Variants in ROBO2 observed in about 807,000 individuals in gnomAD.
ROBO2 encodes the protein roundabout guidance receptor 2, also known as roundabout homolog 2.
Under a neutral mutation model 160.8 loss-of-function variants are expected in ROBO2, and 53 were observed. The ratio of observed to expected loss-of-function variants is 0.33; its 90% CI spans 0.26 to 0.41. ROBO2 has a LOEUF of 0.41. ROBO2 is among the 10% of genes least tolerant of loss of function. The pLI is 1.00. For missense variants in ROBO2, 1,577 were observed against 1,722.4 expected (o/e 0.92, Z 1.49); for synonymous variants, 664 against 611.7 (o/e 1.09, Z -1.26).
chr3:76,273,838 A>C (rs989483336), intron 2 of ROBO2, among the ~76,000 whole-genome samples: 1 of 152,204 alleles, frequency 6.6e-6, no homozygotes, highest in African/African-American at 2.4e-5. Flanking sequence ...GGACACCACA[A>C]AACCATATCA....
At chr3:76,851,759 AAAAAAAT>A (rs1230548403) in intron 2 of ROBO2, among the ~76,000 whole-genome samples, 5 of 145,690 alleles carry the variant, frequency 3.4e-5, no homozygotes, top group Non-Finnish European at 6.0e-5. Context: ...AAAAAAAAAA[AAAAAAAT>A]ATTAACATGT....
At chr3:76,316,445 A>G (rs900926350) in intron 2 of ROBO2, among the ~76,000 whole-genome samples, 1 of 152,140 alleles carries the variant, frequency 6.6e-6, no homozygotes, top group African/African-American at 2.4e-5. Flanking sequence ...AAGAAGAAAA[A>G]TATGGCTGTA....
intron 2 of ROBO2, among the ~76,000 whole-genome samples, chr3:77,008,163 T>C (rs1401905809): frequency 6.6e-6 from 1 of 152,058 alleles, no homozygotes; most frequent in Non-Finnish European, 1.5e-5. Context: ...CTACGAATTG[T>C]TCCCCAGAAA....
chr3:76,212,507 T>C (rs551288575), intron 2 of ROBO2, among the ~76,000 whole-genome samples: 2 of 152,062 alleles, frequency 1.3e-5, no homozygotes, highest in Non-Finnish European at 2.9e-5. Context: ...AACTTAATGT[T>C]CTTAGCAATT....
intron 2 of ROBO2, among the ~76,000 whole-genome samples, chr3:76,541,215 A>G (rs2082797854): frequency 1.3e-5 from 2 of 152,212 alleles, no homozygotes; most frequent in African/African-American, 2.4e-5. Context: ...TAATTATGGA[A>G]TAACTACTTC....
At chr3:76,655,065 T>C (rs904093091) in intron 2 of ROBO2, among the ~76,000 whole-genome samples, 13 of 151,146 alleles carry the variant, frequency 8.6e-5, no homozygotes, top group African/African-American at 3.1e-4. Flanking sequence ...TTGGTTAAAG[T>C]TGAAAAAGCG....
chr3:76,723,424 T>C (rs267126), intron 2 of ROBO2, among the ~76,000 whole-genome samples: 85,742 of 152,052 alleles, frequency 0.56, 25,160 homozygotes, highest in Non-Finnish European at 0.66. Context: ...ACTATTTGTT[T>C]GCTTTATTTA....
At chr3:75,909,384 C>G (rs1347838360) in intron 1 of ROBO2, among the ~76,000 whole-genome samples, 1 of 152,132 alleles carries the variant, frequency 6.6e-6, no homozygotes, top group Admixed American at 6.5e-5. Context: ...ATATTGAATG[C>G]TAGCTATGAA....
chr3:77,365,562 C>A (rs370660723), intron 2 of ROBO2, among the ~76,000 whole-genome samples: 9 of 152,128 alleles, frequency 5.9e-5, no homozygotes, highest in African/African-American at 1.9e-4. Flanking sequence ...CAACTAGACT[C>A]AAAAGAATTG....
intron 1 of ROBO2, among the ~76,000 whole-genome samples, chr3:77,096,788 T>C (rs1330567936): frequency 6.6e-6 from 1 of 152,120 alleles, no homozygotes; most frequent in African/African-American, 2.4e-5. Flanking sequence ...GCCCCACTTT[T>C]ATTGCATTCA....
intron 2 of ROBO2, among the ~76,000 whole-genome samples, chr3:77,295,164 T>C (rs1407592024): frequency 6.9e-6 from 1 of 145,584 alleles, no homozygotes; most frequent in African/African-American, 2.6e-5. Flanking sequence ...GTTAAACGGG[T>C]AAGCTGAGGC....
intron 2 of ROBO2, among the ~76,000 whole-genome samples, chr3:77,015,749 A>G (rs1331437471): frequency 2.6e-5 from 4 of 152,184 alleles, no homozygotes; most frequent in Admixed American, 1.3e-4. Context: ...GTTCTCCAGC[A>G]TCACAGTTAC....
At chr3:76,422,435 G>T (rs2076033986) in intron 2 of ROBO2, among the ~76,000 whole-genome samples, 1 of 152,260 alleles carries the variant, frequency 6.6e-6, no homozygotes, top group East Asian at 1.9e-4. Flanking sequence ...GTGGGCCTGG[G>T]CCTAATGGAG....
At chr3:77,164,788 C>T (rs1352461111) in intron 2 of ROBO2, among the ~76,000 whole-genome samples, 1 of 37,512 alleles carries the variant, frequency 2.7e-5, no homozygotes, top group Non-Finnish European at 1.1e-4. Flanking sequence ...CCCGGCCAGC[C>T]GCCCCGTCCG....
At chr3:77,091,561 G>C (rs1195817739) in intron 1 of ROBO2, among the ~76,000 whole-genome samples, 2 of 152,152 alleles carry the variant, frequency 1.3e-5, no homozygotes, top group African/African-American at 2.4e-5. Flanking sequence ...CGAACTTGAT[G>C]ATGCTGTGGA....
At chr3:76,112,613 T>C (rs2070284087) in intron 2 of ROBO2, among the ~76,000 whole-genome samples, 1 of 152,080 alleles carries the variant, frequency 6.6e-6, no homozygotes, top group African/African-American at 2.4e-5. Flanking sequence ...TAATTTGTCT[T>C]TCAGAAGAAA....
chr3:77,045,460 T>C (rs2064553284), intron 1 of ROBO2, among the ~76,000 whole-genome samples: 1 of 152,194 alleles, frequency 6.6e-6, no homozygotes. Context: ...GGCTGTTGTA[T>C]ATACTGTTGA....
chr3:77,103,839 G>C (rs1483711257), intron 2 of ROBO2, among the ~76,000 whole-genome samples: 6 of 152,196 alleles, frequency 3.9e-5, no homozygotes, highest in Non-Finnish European at 7.3e-5. Flanking sequence ...ACTGACTTTA[G>C]TATGAGAGGG....
intron 2 of ROBO2, among the ~76,000 whole-genome samples, chr3:77,295,522 T>C (rs2061969450): frequency 7.8e-6 from 1 of 128,142 alleles, no homozygotes; most frequent in Middle Eastern, 5.2e-3. Flanking sequence ...AAATTGACGG[T>C]TAAATGGGTA....
Sources: allele counts gnomAD v4.1 joint callset (sites outside exome capture counted in the v4.1 genomes callset), GRCh38; gene constraint gnomAD v4.1.1; transcripts MANE v1.5; gene names NCBI Gene and HGNC (gene_info 2026-07-23, HGNC 2026-07-21).